MOV10L1: variants seen among roughly 807,000 people sequenced by gnomAD.
MOV10L1 encodes the protein Mov10 like RNA helicase 1, also known as RNA helicase Mov10l1.
Under a neutral mutation model 143.8 loss-of-function variants are expected in MOV10L1, and 110 were observed. The ratio of observed to expected loss-of-function variants is 0.76; its 90% CI spans 0.66 to 0.90. The LOEUF (loss-of-function observed/expected upper bound fraction) is 0.90. Ranked by LOEUF, MOV10L1 falls within the 40% of genes least tolerant of loss-of-function variation. The probability of loss-of-function intolerance (pLI) is 0.00; values close to 1 mark genes in which losing one functional copy is unlikely to be tolerated. For missense variants in MOV10L1, 1,406 were observed against 1,526.8 expected, an observed-to-expected ratio of 0.92 and a Z score of 1.32; for synonymous variants, 593 against 581.1, an observed-to-expected ratio of 1.02 and a Z score of -0.29.
At chr22:50,133,685 C>T (rs2062741833) in intron 13 of MOV10L1, among the ~76,000 whole-genome samples, 1 of 151,924 alleles carries the variant, frequency 6.6e-6, no homozygotes, top group Admixed American at 6.6e-5. Flanking sequence ...GGATTACAGG[C>T]GTGCACCACC....
chr22:50,110,523 G>C (rs11704255), intron 5 of MOV10L1, among the ~76,000 whole-genome samples: 34,149 of 151,894 alleles, frequency 0.22, 4,201 homozygotes, highest in Admixed American at 0.35. Flanking sequence ...GTTAGGGGTC[G>C]CTCTTCATCC....
chr22:50,106,440 C>G (rs1244794641), intron 3 of MOV10L1, among the ~76,000 whole-genome samples: 1 of 143,306 alleles, frequency 7.0e-6, no homozygotes, highest in East Asian at 2.1e-4. Flanking sequence ...TGCTAGAAAT[C>G]TTTACTATGA....
chr22:50,108,956 C>T (rs2061947854), intron 5 of MOV10L1, 112 bp downstream of exon 5: 4 of 999,502 alleles, frequency 4.0e-6, no homozygotes, highest in Non-Finnish European at 5.9e-6. Context: ...ACCAGCCTGA[C>T]CAACGTGGTG....
intron 26 of MOV10L1, 75 bp downstream of exon 26, chr22:50,161,130 CT>C: frequency 6.9e-7 from 1 of 1,446,104 alleles, no homozygotes; most frequent in Non-Finnish European, 9.7e-7. Context: ...CCCTGCTCCC[CT>C]CACCCCCATC....
At position 50,113,772 on chromosome 22, in the gene MOV10L1, A is replaced by G. The variant is rs776986507; in HGVS notation, c.868A>G (p.Met290Val). 4 of 1,612,978 alleles carry G rather than the reference A, an allele frequency of 2.5e-6. No individual in the cohort carries two copies. The highest frequency in any genetic ancestry group is 2.2e-5 in the East Asian group (1 of 44,866). The change falls in exon 6 of 27, where the codon ATG (methionine) becomes GTG (valine). Residue 290 changes from methionine (M) to valine (V), a missense_variant. By Grantham distance (21) the Met-to-Val change is conservative. This residue lies in a region of MOV10L1 where 1,233 missense variants were observed against 1,351.4 expected (regional missense o/e 0.91). Transcript: ENST00000262794. ...CCTAAAGGAAGGAAGAAGTAAAACC[A>G]TGGTGATCTGGATAGAGTGAGTTTG... ...GTLKEGRSKT[M>V]VIWIENKGDI...
At position 50,161,355 on chromosome 22, in the gene MOV10L1, CCT is replaced by C; in HGVS notation, c.3555-10_3555-9del. 1.3e-6 allele frequency: 2 copies of C among 1,571,128 alleles called. No homozygotes were observed. The highest frequency in any genetic ancestry group is 1.7e-6 in the Non-Finnish European group (2 of 1,158,460). On this transcript the variant is annotated splice_polypyrimidine_tract_variant and intron_variant, in intron 26 of 26. Coordinates refer to ENST00000262794, the MANE Select transcript of MOV10L1 (RefSeq NM_018995.3). ...CCTGGCTCACTGGCCATCCGCTTCT[CCT>C]CTGTCTACAGCTGTGGCGAGGGGGT...
chr22:50,090,586 C>A, intron 1 of MOV10L1: 1 of 1,530,450 alleles, frequency 6.5e-7, no homozygotes, highest in Non-Finnish European at 8.9e-7. Context: ...TGCGCCAAGG[C>A]GTGCCATTTC....
At position 50,153,137 on chromosome 22, in the gene MOV10L1, G is replaced by A. The variant is rs202017003; in HGVS notation, c.2985G>A (p.Ala995=). The part of the protein sequence containing the change: ...LFYHRELEVC[A]DPTVVTSLLG... ...ACCACAGGGAACTCGAGGTCTGTGC[G>A]GACCCCACAGTGGTGACCTCCTTGC... The change falls in exon 22 of 27, where the codon GCG becomes GCA. Residue 995 remains alanine, a synonymous_variant. Coordinates refer to ENST00000262794, the MANE Select transcript of MOV10L1 (RefSeq NM_018995.3). The A allele has an allele frequency of 2.0e-5, 33 of 1,614,126 alleles. No individual in the cohort carries two copies. In the Admixed American group the frequency reaches 2.2e-4, roughly 11 times the overall value.
intron 2 of MOV10L1, chr22:50,092,907 G>A (rs952865205): frequency 6.6e-6 from 1 of 152,006 alleles, no homozygotes; most frequent in Non-Finnish European, 1.5e-5. Context: ...TTTTGTTTTT[G>A]TTTTTGTTTT....
rs1216448518 is a variant in MOV10L1, at chr22:50,161,530, C to T, written c.*81C>T. 1.4e-6 allele frequency: 2 copies of T among 1,381,996 alleles called. No homozygotes were observed. Among genetic ancestry groups the T allele is most frequent in the Admixed American group, 2.2e-5 (1 of 46,364 alleles). 85.6% of individuals were successfully genotyped at this position (1,381,996 alleles called of 1,614,324 possible). Reference sequence around the variant, plus strand: ...ACAGTCTGCTCCGTGGCTCCTGTGGCCTGCCCTTGTCTCGCAGCCAGGCAG... The same window carrying T: ...ACAGTCTGCTCCGTGGCTCCTGTGGTCTGCCCTTGTCTCGCAGCCAGGCAG... On this transcript the variant is annotated 3_prime_UTR_variant, in exon 27 of 27. Transcript: ENST00000262794.
chr22:50,120,920 C>A (rs905999130), intron 10 of MOV10L1, among the ~76,000 whole-genome samples: 1 of 152,212 alleles, frequency 6.6e-6, no homozygotes, highest in Non-Finnish European at 1.5e-5. Flanking sequence ...GCCTCTCTCG[C>A]TAGACTAGGA....
Position 50,114,361 on chromosome 22 carries a change from A to T in MOV10L1, c.885-20A>T, listed in dbSNP as rs1482993606. ...TTTTAGAAATCCTGGCTGTGTTCAT[A>T]GTTAATTGTATTTTTCCAGGAATAA... On this transcript the variant is annotated intron_variant, in intron 6 of 26. Transcript: ENST00000262794. 3 of 1,610,602 alleles carry T rather than the reference A, an allele frequency of 1.9e-6. No homozygotes were observed. In the Admixed American group the frequency reaches 5.0e-5, roughly 27 times the overall value.
chr22:50,120,702 T>C, intron 10 of MOV10L1, 86 bp downstream of exon 10: 1 of 943,930 alleles, frequency 1.1e-6, no homozygotes, highest in Non-Finnish European at 1.7e-6. Context: ...CTTCTCAGGT[T>C]CAGACCTTCA....
chr22:50,149,364 C>T lies in MOV10L1; in HGVS notation c.2628-251C>T, dbSNP rs538833882. ...GTGTTGCCCATCGCTCCCACCCCTT[C>T]TTCCCTCCACATCTCTAGAAATACA... is the stretch of plus-strand genomic sequence containing the variant. On this transcript the variant is annotated intron_variant, in intron 19 of 26. Coordinates refer to ENST00000262794, the MANE Select transcript of MOV10L1 (RefSeq NM_018995.3). 5 of 497,388 alleles carry T rather than the reference C, an allele frequency of 1.0e-5. No individual in the cohort carries two copies. The East Asian group carries it at 1.1e-4, about 10-fold the overall frequency. The allele number at this position is 497,388 out of a possible 1,614,324, so 30.8% of individuals were successfully genotyped here. A position where few individuals can be genotyped will look rare whatever the true frequency, so the allele number is the denominator to read the frequency against.
chr22:50,141,908 T>A (rs1291446203), intron 15 of MOV10L1, among the ~76,000 whole-genome samples, 173 bp from the exon 16 acceptor site: 1 of 152,238 alleles, frequency 6.6e-6, no homozygotes, highest in Non-Finnish European at 1.5e-5. Flanking sequence ...CAGTTTTTTA[T>A]CTGATCGTTT....
intron 5 of MOV10L1, 21 bp downstream of exon 5, chr22:50,108,865 C>T (rs1324650695): frequency 1.2e-6 from 2 of 1,611,450 alleles, no homozygotes; most frequent in Admixed American, 1.7e-5. Context: ...GCTTTTCTGG[C>T]CAGGTGCGGT....
At chr22:50,149,027 A>G (rs1354206771) in intron 19 of MOV10L1, among the ~76,000 whole-genome samples, 2 of 152,200 alleles carry the variant, frequency 1.3e-5, no homozygotes, top group South Asian at 4.1e-4. Context: ...GCCTATTGGC[A>G]TGCAGGCCAG....
Position 50,108,818 on chromosome 22 carries a change from A to G in MOV10L1, c.717A>G (p.Ala239=), listed in dbSNP as rs138217. Residue 239 remains alanine (A), a synonymous_variant, in exon 5 of 27, where the codon GCA becomes GCG. Transcript: ENST00000262794. ...GCCAGTCATGCTATGTCTGGAGGGC[A>G]CTTTGTATGACCCTAGTGAAGAGGC... ...ESSQSCYVWR[A]LCMTLVKRRD... The G allele has an allele frequency of 0.99, 1,599,269 of 1,614,186 alleles. 792,263 individuals are homozygous for G. Among genetic ancestry groups the G allele is most frequent in the East Asian group, 1 (44,868 of 44,888 alleles).
Position 50,144,134 on chromosome 22 carries a change from G to A in MOV10L1, c.2396G>A (p.Cys799Tyr). Residue 799 changes from cysteine to tyrosine, a missense_variant, in exon 18 of 27, where the codon TGT (cysteine) becomes TAT (tyrosine). Physicochemically the swap from Cys to Tyr is radical, Grantham distance 194. Coordinates refer to ENST00000262794, the MANE Select transcript of MOV10L1 (RefSeq NM_018995.3). Reference sequence around the variant, plus strand: ...TTGCCGGACAGTCGGATTTTAGTCTGTGCGCCCTCCAACAGTGCTGCTGAC... The same window carrying A: ...TTGCCGGACAGTCGGATTTTAGTCTATGCGCCCTCCAACAGTGCTGCTGAC... The part of the protein sequence containing the change: ...FALPDSRILV[C>Y]APSNSAADLV... 6.2e-7 allele frequency: 1 copy of A among 1,613,246 alleles called. No homozygotes were observed. Among genetic ancestry groups the A allele is most frequent in the Non-Finnish European group, 8.5e-7 (1 of 1,179,222 alleles).
Sources: gnomAD v4.1 joint callset for allele counts (sites outside exome capture counted in the v4.1 genomes callset) on GRCh38, gnomAD v4.1.1 for gene constraint, gnomAD v4.1.1 regional missense constraint, MANE v1.5 for transcripts, NCBI Gene and HGNC (gene_info 2026-07-23, HGNC 2026-07-21) for gene names.